The following SLC2A7 variants were observed in gnomAD, a reference collection of about 807,000 sequenced individuals.
SLC2A7 encodes solute carrier family 2 member 7, also known as solute carrier family 2, facilitated glucose transporter member 7.
Under a neutral mutation model 50.5 loss-of-function variants are expected in SLC2A7, and 50 were observed. The observed-to-expected ratio is 0.99, with a 90% confidence interval of 0.79 to 1.25. The LOEUF (loss-of-function observed/expected upper bound fraction) is 1.25. SLC2A7 is among the 50% of genes most tolerant of loss of function. The probability of loss-of-function intolerance (pLI) is 0.00; values close to 1 mark genes in which losing one functional copy is unlikely to be tolerated. For missense variants in SLC2A7, 683 were observed against 679.1 expected, an observed-to-expected ratio of 1.01 and a Z score of -0.06; for synonymous variants, 308 against 300.4, an observed-to-expected ratio of 1.03 and a Z score of -0.26.
chr1:8,996,238 C>T, the SLC2A7 span, among the ~76,000 whole-genome samples: 12 of 152,036 alleles, frequency 7.9e-5, 1 homozygote, highest in Admixed American at 4.6e-4. Flanking sequence ...GATTAGTTTG[C>T]ATTTTCTGGA....
chr1:9,005,222 G>T (rs556373326), intron 10 of SLC2A7, among the ~76,000 whole-genome samples: 16 of 152,318 alleles, frequency 1.1e-4, no homozygotes, highest in Non-Finnish European at 2.1e-4. Flanking sequence ...AGGCAGCAGA[G>T]CTTTCTGAAA....
chr1:8,999,731 G>A (rs947768549), downstream of SLC2A7, among the ~76,000 whole-genome samples: 5 of 152,174 alleles, frequency 3.3e-5, no homozygotes, highest in Admixed American at 6.5e-5. Context: ...ATTCTTATTC[G>A]GGGGAGGAAT....
intron 7 of SLC2A7, among the ~76,000 whole-genome samples, chr1:9,014,480 G>A (rs1184342948): frequency 6.6e-6 from 1 of 152,222 alleles, no homozygotes; most frequent in African/African-American, 2.4e-5. Flanking sequence ...CTGGGAAACA[G>A]AGAAAAATGA....
chr1:8,997,252 G>A, the SLC2A7 span, among the ~76,000 whole-genome samples: 1 of 152,064 alleles, frequency 6.6e-6, no homozygotes, highest in Non-Finnish European at 1.5e-5. Context: ...GCTGCAGTGA[G>A]CCATGATTGT....
At chr1:8,998,354 G>A (rs1339658926), downstream of SLC2A7, among the ~76,000 whole-genome samples, 7 of 151,386 alleles carry the variant, frequency 4.6e-5, no homozygotes, top group Admixed American at 6.6e-5. Context: ...GCAGTGAGCC[G>A]AGATCACACC....
At chr1:8,994,300 C>T in the SLC2A7 span, among the ~76,000 whole-genome samples, 13 of 152,340 alleles carry the variant, frequency 8.5e-5, no homozygotes, top group African/African-American at 2.9e-4. Flanking sequence ...GTCTTTGGAG[C>T]ACCTGGGCTT....
chr1:8,994,839 C>T, the SLC2A7 span, among the ~76,000 whole-genome samples: 2 of 151,840 alleles, frequency 1.3e-5, no homozygotes, highest in African/African-American at 2.4e-5. Flanking sequence ...AGCACAATCT[C>T]GGCTCACTGC....
At chr1:9,001,686 G>A (rs1640577221), downstream of SLC2A7, among the ~76,000 whole-genome samples, 1 of 152,102 alleles carries the variant, frequency 6.6e-6, no homozygotes, top group African/African-American at 2.4e-5. Context: ...CCAAAGTGCT[G>A]GGTTTACAGG....
In SLC2A7 at chr1:9,003,273, T is replaced by C. The variant is rs1423045423; in HGVS notation, c.*27A>G. 2 of 1,609,056 alleles carry C rather than the reference T, an allele frequency of 1.2e-6. No individual in the cohort carries two copies. Among genetic ancestry groups the C allele is most frequent in the South Asian group, 1.1e-5 (1 of 90,782 alleles). ...TTGTCATAGAAGGAAGCCTTGAATA[T>C]GGGCTCCCGTCCTTCATGCAGGGCC... On this transcript the variant is annotated 3_prime_UTR_variant, in exon 12 of 12. Transcript: ENST00000400906.
chr1:9,016,160 G>C (rs1640827387), intron 5 of SLC2A7, among the ~76,000 whole-genome samples: 1 of 152,204 alleles, frequency 6.6e-6, no homozygotes, highest in Non-Finnish European at 1.5e-5. Flanking sequence ...GCGGCTCTGG[G>C]AGTTTAGGAA....
chr1:9,024,817 A>G lies in SLC2A7; in HGVS notation c.150+159T>C, dbSNP rs185862702. On this transcript the variant is annotated intron_variant, in intron 2 of 11. Coordinates refer to ENST00000400906, the MANE Select transcript of SLC2A7 (RefSeq NM_207420.3). Reference sequence around the variant, plus strand: ...TGCCACGCCCTGGTCTCCAGGGGTGAGCATCCAGGGTACTAGGGCAAGCTG... The same window carrying G: ...TGCCACGCCCTGGTCTCCAGGGGTGGGCATCCAGGGTACTAGGGCAAGCTG... Among the ~76,000 whole-genome samples, 123 of 152,268 alleles carry G rather than the reference A, an allele frequency of 8.1e-4. 1 individual carries two copies. Among genetic ancestry groups the G allele is most frequent in the African/African-American group, 2.9e-3 (120 of 41,552 alleles).
At chr1:9,004,955 C>A in intron 10 of SLC2A7, 76 bp from the exon 11 acceptor site, 1 of 1,506,246 alleles carries the variant, frequency 6.6e-7, no homozygotes. Flanking sequence ...GCGGCCCACT[C>A]TAGCCTCTGA....
At chr1:9,006,018 G>A (rs1463088522) in intron 10 of SLC2A7, among the ~76,000 whole-genome samples, 1 of 152,148 alleles carries the variant, frequency 6.6e-6, no homozygotes, top group East Asian at 1.9e-4. Flanking sequence ...GCAGCCAATA[G>A]TCCTTAGGTC....
At chr1:8,998,395 A>T (rs1050138663), downstream of SLC2A7, among the ~76,000 whole-genome samples, 1 of 152,156 alleles carries the variant, frequency 6.6e-6, no homozygotes, top group Non-Finnish European at 1.5e-5. Context: ...ACAGAGCAAG[A>T]TTCCATCTCA....
the SLC2A7 span, among the ~76,000 whole-genome samples, chr1:8,993,352 G>C: frequency 6.6e-6 from 1 of 152,234 alleles, no homozygotes; most frequent in East Asian, 1.9e-4. Flanking sequence ...AAACATATCA[G>C]GGGAGAAAGG....
the SLC2A7 span, among the ~76,000 whole-genome samples, chr1:8,997,222 CT>C: frequency 6.6e-6 from 1 of 152,058 alleles, no homozygotes; most frequent in African/African-American, 2.4e-5. Context: ...GGGAGGATCA[CT>C]TGAGGCCAGG....
intron 8 of SLC2A7, 63 bp downstream of exon 8, chr1:9,013,462 T>C (rs1640779592): frequency 9.6e-6 from 14 of 1,451,662 alleles, no homozygotes; most frequent in Non-Finnish European, 1.2e-5. Flanking sequence ...GTGGGGCTCC[T>C]GTCTGCCTGG....
At chr1:9,001,931 C>T (rs777514264), downstream of SLC2A7, among the ~76,000 whole-genome samples, 2 of 152,204 alleles carry the variant, frequency 1.3e-5, no homozygotes, top group Non-Finnish European at 2.9e-5. Flanking sequence ...CCTTGAGATG[C>T]TGTTAATCTG....
chr1:8,996,949 A>AT, the SLC2A7 span, among the ~76,000 whole-genome samples: 4 of 151,414 alleles, frequency 2.6e-5, no homozygotes, highest in South Asian at 2.1e-4. Context: ...CTAATTTTGT[A>AT]TTTTTTTTAG....
Sources: allele counts gnomAD v4.1 joint callset (sites outside exome capture counted in the v4.1 genomes callset), GRCh38; gene constraint gnomAD v4.1.1; transcripts MANE v1.5; gene names NCBI Gene and HGNC (gene_info 2026-07-23, HGNC 2026-07-21).